Variants in SPAG16 observed in about 807,000 individuals in gnomAD.
SPAG16 encodes sperm associated antigen 16.
In SPAG16, 86 loss-of-function variants were observed where a neutral mutation model predicts 80.4. The observed-to-expected ratio is 1.07, with a 90% CI of 0.90 to 1.28. The LOEUF (loss-of-function observed/expected upper bound fraction) is 1.28. Ranked by LOEUF, SPAG16 falls within the 50% of genes most tolerant of loss-of-function variation. The pLI is 0.00. For synonymous variants in SPAG16, 294 were observed against 265.9 expected (o/e 1.11, Z -1.03); for missense variants, 870 against 765.3 (o/e 1.14, Z -1.61).
chr2:214,253,816 A>G (rs1690479962), intron 15 of SPAG16, among the ~76,000 whole-genome samples: 1 of 152,154 alleles, frequency 6.6e-6, no homozygotes. Context: ...TGAAATTTAA[A>G]GTCGTTTTTT....
At chr2:213,972,769 G>T (rs1260397833) in intron 12 of SPAG16, among the ~76,000 whole-genome samples, 2 of 152,000 alleles carry the variant, frequency 1.3e-5, no homozygotes, top group East Asian at 3.8e-4. Flanking sequence ...TTGTTGGCTT[G>T]CATAAGTTCT....
intron 10 of SPAG16, among the ~76,000 whole-genome samples, chr2:213,822,469 T>A (rs995319842): frequency 1.3e-5 from 2 of 152,196 alleles, no homozygotes. Context: ...TATTTTCTCC[T>A]ATTCTGTTAG....
At chr2:214,057,734 T>C (rs1428367914) in intron 13 of SPAG16, among the ~76,000 whole-genome samples, 1 of 152,214 alleles carries the variant, frequency 6.6e-6, no homozygotes, top group Non-Finnish European at 1.5e-5. Flanking sequence ...CTTTTTCATC[T>C]GTACTGAAAA....
chr2:213,635,373 T>TAA (rs890213853), intron 10 of SPAG16, among the ~76,000 whole-genome samples: 4 of 152,206 alleles, frequency 2.6e-5, no homozygotes, highest in Non-Finnish European at 5.9e-5. Flanking sequence ...TGTGCTGCTG[T>TAA]AAGCATGTGC....
intron 12 of SPAG16, among the ~76,000 whole-genome samples, chr2:213,936,102 C>T (rs967898820): frequency 6.6e-6 from 1 of 151,936 alleles, no homozygotes; most frequent in African/African-American, 2.4e-5. Context: ...ATTTGGATAA[C>T]CTGAATAAGG....
intron 15 of SPAG16, among the ~76,000 whole-genome samples, chr2:214,396,018 T>G (rs540695625): frequency 2.6e-5 from 4 of 152,062 alleles, no homozygotes; most frequent in Non-Finnish European, 5.9e-5. Context: ...TATGGTAGAG[T>G]GATGAATATT....
chr2:214,157,975 C>T (rs563743560), intron 15 of SPAG16, among the ~76,000 whole-genome samples: 32 of 152,098 alleles, frequency 2.1e-4, no homozygotes, highest in Non-Finnish European at 4.3e-4. Flanking sequence ...TTTTCAGAAA[C>T]ATCGAGAAAT....
chr2:214,073,794 T>G (rs2050928299), intron 13 of SPAG16, among the ~76,000 whole-genome samples: 1 of 152,278 alleles, frequency 6.6e-6, no homozygotes, highest in African/African-American at 2.4e-5. Flanking sequence ...TATCAAGACC[T>G]ACTATAAGTC....
Position 213,300,121 on chromosome 2 carries a change from C to T in SPAG16, c.279+2764C>T, listed in dbSNP as rs868496617. Among the ~76,000 whole-genome samples the T allele has an allele frequency of 3.9e-5, 6 of 152,144 alleles. No individual in the cohort carries two copies. In the East Asian group the frequency reaches 5.8e-4, roughly 15 times the overall value. On this transcript the variant is annotated intron_variant, in intron 3 of 15. Coordinates refer to ENST00000331683, the MANE Select transcript of SPAG16 (RefSeq NM_024532.5). ...GAGGTCTTTTATACTGCTGTAATTA[C>T]GTAATGACTTCTAATTTTTATAAAT...
intron 10 of SPAG16, among the ~76,000 whole-genome samples, chr2:213,729,123 G>T (rs1452081098): frequency 6.6e-6 from 1 of 152,044 alleles, no homozygotes; most frequent in South Asian, 2.1e-4. Flanking sequence ...CATTTATTAG[G>T]CTTGAGGATC....
At chr2:214,109,963 C>G (rs144231276) in intron 14 of SPAG16, among the ~76,000 whole-genome samples, 3 of 151,878 alleles carry the variant, frequency 2.0e-5, no homozygotes, top group Admixed American at 2.0e-4. Flanking sequence ...TTTTGGCAAG[C>G]AATATAATAA....
intron 15 of SPAG16, among the ~76,000 whole-genome samples, chr2:214,374,100 G>C (rs1026570864): frequency 8.5e-5 from 13 of 152,178 alleles, no homozygotes; most frequent in African/African-American, 2.7e-4. Flanking sequence ...TAAGAAGGTA[G>C]GTTGAGGCCA....
intron 15 of SPAG16, among the ~76,000 whole-genome samples, chr2:214,327,792 A>G (rs934758476): frequency 6.6e-6 from 1 of 152,122 alleles, no homozygotes; most frequent in Non-Finnish European, 1.5e-5. Flanking sequence ...AAACTTTGGT[A>G]TAGATTCTTT....
At chr2:213,719,041 G>A (rs1476019117) in intron 10 of SPAG16, among the ~76,000 whole-genome samples, 1 of 152,184 alleles carries the variant, frequency 6.6e-6, no homozygotes, top group African/African-American at 2.4e-5. Flanking sequence ...CTCAAGGTTT[G>A]TGAGTGCACC....
chr2:213,600,240 A>T (rs2061016279), intron 10 of SPAG16, among the ~76,000 whole-genome samples: 1 of 152,064 alleles, frequency 6.6e-6, no homozygotes, highest in African/African-American at 2.4e-5. Flanking sequence ...CCAACTCTCC[A>T]TTTCAAGAAA....
intron 7 of SPAG16, among the ~76,000 whole-genome samples, chr2:213,357,787 A>G (rs1041862998): frequency 6.6e-6 from 1 of 152,102 alleles, no homozygotes; most frequent in African/African-American, 2.4e-5. Flanking sequence ...GTGTGAATTC[A>G]ATCCTGTCAT....
chr2:214,064,167 G>T (rs1336093295), intron 13 of SPAG16, among the ~76,000 whole-genome samples: 1 of 152,074 alleles, frequency 6.6e-6, no homozygotes, highest in Admixed American at 6.6e-5. Flanking sequence ...AGCTGTGATT[G>T]AGATGACATA....
At chr2:214,143,902 A>G (rs774808249) in intron 14 of SPAG16, among the ~76,000 whole-genome samples, 2 of 152,130 alleles carry the variant, frequency 1.3e-5, no homozygotes, top group Non-Finnish European at 2.9e-5. Flanking sequence ...TCATGCTTAT[A>G]ATCCCAGCAC....
At chr2:214,175,175 T>C (rs2057026224) in intron 15 of SPAG16, among the ~76,000 whole-genome samples, 1 of 148,114 alleles carries the variant, frequency 6.8e-6, no homozygotes, top group African/African-American at 2.5e-5. Flanking sequence ...GAAGGTTAAA[T>C]TGAGGAACCA....
Sources: gnomAD v4.1 joint callset for allele counts (sites outside exome capture counted in the v4.1 genomes callset) on GRCh38, gnomAD v4.1.1 for gene constraint, MANE v1.5 for transcripts, NCBI Gene and HGNC (gene_info 2026-07-23, HGNC 2026-07-21) for gene names.